KCNMB2: variants seen among roughly 807,000 people sequenced by gnomAD.
KCNMB2 encodes the protein potassium calcium-activated channel subfamily M regulatory beta subunit 2, also known as calcium-activated potassium channel subunit beta-2.
Under a neutral mutation model 24.5 loss-of-function variants are expected in KCNMB2, and 9 were observed. That is an observed-to-expected ratio of 0.37 (90% CI 0.22 to 0.64). The LOEUF (loss-of-function observed/expected upper bound fraction) is 0.64. KCNMB2 is among the 30% of genes least tolerant of loss of function. KCNMB2 has a pLI of 0.63. For synonymous variants in KCNMB2, 109 were observed against 104.4 expected, an observed-to-expected ratio of 1.04 and a Z score of -0.27; for missense variants, 226 against 284.3, an observed-to-expected ratio of 0.79 and a Z score of 1.47.
chr3:178,605,173 G>A (rs1718228473), intron 1 of KCNMB2, among the ~76,000 whole-genome samples: 1 of 152,092 alleles, frequency 6.6e-6, no homozygotes, highest in Non-Finnish European at 1.5e-5. Flanking sequence ...AGGTTGTGAG[G>A]ACCAAGACCT....
chr3:178,630,104 C>T lies in KCNMB2; in HGVS notation c.-68+93393C>T, dbSNP rs540141899. On this transcript the variant is annotated intron_variant, in intron 1 of 4. Transcript: ENST00000452583. ...ATTGCTTTTTTCCTGCTTTTACTTC[C>T]ATGTATAAATGACCACAAAGTCCAT... 1.1e-4 allele frequency among the ~76,000 whole-genome samples: 17 copies of T among 152,290 alleles called. No homozygotes were observed. The South Asian group carries it at 2.9e-3, about 26-fold the overall frequency.
chr3:178,764,959 C>A (rs2108415355), intron 1 of KCNMB2, among the ~76,000 whole-genome samples: 1 of 152,144 alleles, frequency 6.6e-6, no homozygotes, highest in Non-Finnish European at 1.5e-5. Context: ...CTCATGAAAA[C>A]AAATCAATGA....
chr3:178,633,518 G>A (rs1434321092), intron 1 of KCNMB2, among the ~76,000 whole-genome samples: 1 of 152,206 alleles, frequency 6.6e-6, no homozygotes, highest in South Asian at 2.1e-4. Context: ...CTGTACCTTG[G>A]CCCCTTGTAG....
chr3:178,756,684 C>G (rs1724054645), intron 1 of KCNMB2, among the ~76,000 whole-genome samples: 1 of 152,078 alleles, frequency 6.6e-6, no homozygotes, highest in African/African-American at 2.4e-5. Context: ...CCTTCCATAG[C>G]TTTATCAGGC....
At chr3:178,753,314 G>C (rs1723912376) in intron 1 of KCNMB2, among the ~76,000 whole-genome samples, 1 of 152,190 alleles carries the variant, frequency 6.6e-6, no homozygotes, top group Non-Finnish European at 1.5e-5. Context: ...GATCACAAGT[G>C]TATGTTCTGG....
intron 1 of KCNMB2, among the ~76,000 whole-genome samples, chr3:178,759,528 T>TATACATATATCTCTCTCCAAGAGG (rs1265404560): frequency 7.8e-6 from 1 of 127,528 alleles, no homozygotes; most frequent in African/African-American, 3.0e-5. Context: ...AGAGGATATA[T>TATACATATATCTCTCTCCAAGAGG]ATACATATAT....
chr3:178,755,464 T>G (rs543886177), intron 1 of KCNMB2, among the ~76,000 whole-genome samples: 1 of 152,358 alleles, frequency 6.6e-6, no homozygotes, highest in African/African-American at 2.4e-5. Flanking sequence ...CTATCTTTCC[T>G]TTGGTTGAGG....
intron 1 of KCNMB2, among the ~76,000 whole-genome samples, chr3:178,682,538 T>C (rs1452739264): frequency 2.6e-5 from 4 of 152,144 alleles, no homozygotes; most frequent in Non-Finnish European, 4.4e-5. Context: ...AAATGTGACT[T>C]GTATATGTAA....
intron 1 of KCNMB2, among the ~76,000 whole-genome samples, chr3:178,594,325 CAG>C (rs1050228376): frequency 1.3e-5 from 2 of 152,004 alleles, no homozygotes; most frequent in Admixed American, 1.3e-4. Context: ...AGAGCAAAAG[CAG>C]AGAGACCAAT....
chr3:178,564,505 TA>T (rs1216481577), intron 1 of KCNMB2, among the ~76,000 whole-genome samples: 1 of 152,194 alleles, frequency 6.6e-6, no homozygotes, highest in Non-Finnish European at 1.5e-5. Context: ...TTGCTTTGTA[TA>T]AAGTAGAGTA....
At chr3:178,584,999 A>G (rs912087118) in intron 1 of KCNMB2, among the ~76,000 whole-genome samples, 3 of 152,226 alleles carry the variant, frequency 2.0e-5, no homozygotes, top group Admixed American at 1.3e-4. Context: ...TAAGGAGTTT[A>G]TCTGCCAATA....
intron 1 of KCNMB2, among the ~76,000 whole-genome samples, chr3:178,683,293 T>A (rs1357192264): frequency 6.6e-6 from 1 of 151,404 alleles, no homozygotes; most frequent in East Asian, 1.9e-4. Context: ...GACATAAAAA[T>A]GGCAGCAATA....
chr3:178,804,232 T>C (rs1400937641), intron 1 of KCNMB2, among the ~76,000 whole-genome samples: 1 of 152,178 alleles, frequency 6.6e-6, no homozygotes, highest in Non-Finnish European at 1.5e-5. Flanking sequence ...ATGAGCAAAA[T>C]TGAATTAATA....
chr3:178,598,059 A>G (rs751954871), intron 1 of KCNMB2, among the ~76,000 whole-genome samples: 1 of 152,122 alleles, frequency 6.6e-6, no homozygotes. Flanking sequence ...AAACAAAAAA[A>G]AAAACAAGAA....
At chr3:178,754,855 G>C (rs746392657) in intron 1 of KCNMB2, among the ~76,000 whole-genome samples, 1 of 152,188 alleles carries the variant, frequency 6.6e-6, no homozygotes, top group East Asian at 1.9e-4. Context: ...CAGACAGCTT[G>C]TTTAGCACGT....
At chr3:178,665,889 T>G (rs1462472282) in intron 1 of KCNMB2, among the ~76,000 whole-genome samples, 1 of 152,176 alleles carries the variant, frequency 6.6e-6, no homozygotes, top group African/African-American at 2.4e-5. Context: ...TCCTAGCAAC[T>G]TTTCATCAGC....
intron 1 of KCNMB2, among the ~76,000 whole-genome samples, chr3:178,596,669 T>A (rs1383559547): frequency 6.6e-6 from 1 of 152,052 alleles, no homozygotes; most frequent in Admixed American, 6.6e-5. Flanking sequence ...TCCTCTCCCA[T>A]CTTCTAGCCC....
intron 1 of KCNMB2, among the ~76,000 whole-genome samples, chr3:178,567,870 T>C (rs1445993625): frequency 2.0e-5 from 3 of 152,152 alleles, no homozygotes; most frequent in Non-Finnish European, 4.4e-5. Flanking sequence ...TGCTTAACCA[T>C]GATTCTCAGT....
At chr3:178,724,762 C>G (rs952409888) in intron 1 of KCNMB2, among the ~76,000 whole-genome samples, 4 of 152,008 alleles carry the variant, frequency 2.6e-5, no homozygotes, top group Non-Finnish European at 5.9e-5. Flanking sequence ...AATAGCGTAC[C>G]TTTTCCCCAC....
Sources: allele counts gnomAD v4.1 joint callset (sites outside exome capture counted in the v4.1 genomes callset), GRCh38; gene constraint gnomAD v4.1.1; transcripts MANE v1.5; gene names NCBI Gene and HGNC (gene_info 2026-07-23, HGNC 2026-07-21).